CLSTN2: variants seen among roughly 807,000 people sequenced by gnomAD.
The protein encoded by CLSTN2 is calsyntenin 2.
CLSTN2 carries 48 observed loss-of-function variants against 101.2 expected under a neutral mutation model. The observed-to-expected ratio is 0.47, with a 90% CI of 0.38 to 0.60. The LOEUF is 0.60. Among genes scored for constraint, CLSTN2 ranks in the 20% least tolerant of loss-of-function variants. The pLI is 0.00. For synonymous variants in CLSTN2, 481 were observed against 463.6 expected (o/e 1.04, Z -0.48); for missense variants, 1,160 against 1,238.2 (o/e 0.94, Z 0.95).
intron 2 of CLSTN2, among the ~76,000 whole-genome samples, chr3:140,391,083 A>G (rs1315448150): frequency 2.6e-5 from 4 of 152,110 alleles, no homozygotes; most frequent in Non-Finnish European, 5.9e-5. Flanking sequence ...GCAGCCAGAG[A>G]CTTGGAAACG....
At chr3:140,319,404 G>A (rs980091681) in intron 2 of CLSTN2, among the ~76,000 whole-genome samples, 2 of 152,192 alleles carry the variant, frequency 1.3e-5, no homozygotes, top group Non-Finnish European at 2.9e-5. Context: ...TGCCCAGCAT[G>A]ATAGAACAGG....
intron 1 of CLSTN2, among the ~76,000 whole-genome samples, chr3:140,042,776 T>C (rs560398863): frequency 3.9e-4 from 60 of 152,260 alleles, no homozygotes; most frequent in Middle Eastern, 3.4e-3. Context: ...ATGTGGTGTT[T>C]GGTTTTCTGT....
chr3:140,486,738 A>G (rs556024500), intron 8 of CLSTN2, among the ~76,000 whole-genome samples: 1 of 152,360 alleles, frequency 6.6e-6, no homozygotes, highest in South Asian at 2.1e-4. Flanking sequence ...AAATTGGACC[A>G]GGAATATCTA....
At position 140,569,322 on chromosome 3, in the gene CLSTN2, C is replaced by T. The variant is rs762850765; in HGVS notation, c.*3069C>T. The T allele has an allele frequency of 2.0e-5, 3 of 152,254 alleles. No homozygotes were observed. In the South Asian group the frequency reaches 6.2e-4, roughly 32 times the overall value. The allele number at this position is 152,254 out of a possible 1,614,324, so 9.4% of individuals were successfully genotyped here. On this transcript the variant is annotated 3_prime_UTR_variant, in exon 17 of 17. Coordinates refer to ENST00000458420, the MANE Select transcript of CLSTN2 (RefSeq NM_022131.3). ...GTTGGCAGCCAGGCAGATGCAGGCT[C>T]ATGTCCAGGAGGAACTGCTGACTGG...
intron 2 of CLSTN2, among the ~76,000 whole-genome samples, chr3:140,347,293 C>T (rs1361281094): frequency 6.6e-6 from 1 of 152,186 alleles, no homozygotes. Flanking sequence ...TTTCCAGTGA[C>T]ATGGAATCTA....
At chr3:140,305,065 CTCTCTCTG>C (rs2087099477) in intron 2 of CLSTN2, among the ~76,000 whole-genome samples, 1 of 151,584 alleles carries the variant, frequency 6.6e-6, no homozygotes, top group Non-Finnish European at 1.5e-5. Flanking sequence ...CTCTCTCTCT[CTCTCTCTG>C]TCTCTCTTTC....
intron 10 of CLSTN2, among the ~76,000 whole-genome samples, chr3:140,549,457 G>A (rs1389959212): frequency 6.6e-6 from 1 of 151,156 alleles, no homozygotes; most frequent in East Asian, 2.0e-4. Flanking sequence ...TCCATTCCTA[G>A]GGCATGGCTG....
intron 2 of CLSTN2, among the ~76,000 whole-genome samples, chr3:140,308,036 A>G (rs987221007): frequency 6.6e-6 from 1 of 152,202 alleles, no homozygotes; most frequent in Non-Finnish European, 1.5e-5. Flanking sequence ...AGGATGAACC[A>G]CAGCACCTCC....
chr3:139,948,330 T>G (rs1006239752), intron 1 of CLSTN2, among the ~76,000 whole-genome samples: 1 of 152,052 alleles, frequency 6.6e-6, no homozygotes, highest in African/African-American at 2.4e-5. Flanking sequence ...TTGGGCATGG[T>G]GGTGGGTGCC....
chr3:140,180,396 A>C (rs922382669), intron 2 of CLSTN2, among the ~76,000 whole-genome samples: 16 of 152,228 alleles, frequency 1.1e-4, no homozygotes, highest in Admixed American at 3.3e-4. Flanking sequence ...CTCAGACTTC[A>C]GTCAAGTCCA....
chr3:140,346,830 T>C (rs1048179246), intron 2 of CLSTN2, among the ~76,000 whole-genome samples: 4 of 152,170 alleles, frequency 2.6e-5, no homozygotes, highest in African/African-American at 4.8e-5. Flanking sequence ...TATGTGGTTC[T>C]TGGTAGATGC....
chr3:140,089,207 T>C (rs182061754), intron 1 of CLSTN2, among the ~76,000 whole-genome samples: 1 of 152,184 alleles, frequency 6.6e-6, no homozygotes, highest in African/African-American at 2.4e-5. Context: ...TGTTCATATC[T>C]CTTGGGATTC....
intron 4 of CLSTN2, 151 bp from the exon 5 acceptor site, chr3:140,420,974 C>T (rs1339578504): frequency 2.4e-6 from 2 of 821,724 alleles, no homozygotes; most frequent in Non-Finnish European, 3.8e-6. Context: ...ACAAGTGGAG[C>T]CATGCTCCTG....
chr3:140,310,079 A>G (rs1264609053), intron 2 of CLSTN2, among the ~76,000 whole-genome samples: 1 of 151,344 alleles, frequency 6.6e-6, no homozygotes, highest in Non-Finnish European at 1.5e-5. Flanking sequence ...TTCCTCCTCC[A>G]TCTCCTCCTT....
chr3:140,539,119 G>T (rs1935418096), intron 9 of CLSTN2, among the ~76,000 whole-genome samples: 1 of 150,516 alleles, frequency 6.6e-6, no homozygotes, highest in Non-Finnish European at 1.5e-5. Context: ...TTGACTTCAG[G>T]ATCTATAGAA....
intron 2 of CLSTN2, among the ~76,000 whole-genome samples, chr3:140,357,585 G>C (rs1375651672): frequency 6.6e-6 from 1 of 152,166 alleles, no homozygotes. Flanking sequence ...GTTGACCCAA[G>C]ATGGTCCCTT....
intron 2 of CLSTN2, among the ~76,000 whole-genome samples, chr3:140,352,221 C>T (rs1351905231): frequency 2.0e-5 from 3 of 152,180 alleles, no homozygotes; most frequent in South Asian, 4.1e-4. Flanking sequence ...GTTATCATTA[C>T]TATTCTTTAT....
intron 4 of CLSTN2, among the ~76,000 whole-genome samples, chr3:140,408,034 G>A (rs1018737875): frequency 2.0e-5 from 3 of 152,180 alleles, no homozygotes; most frequent in Admixed American, 2.0e-4. Flanking sequence ...AGCTATCTAT[G>A]AAAGAAAATA....
At chr3:140,219,166 T>G (rs1186867421) in intron 2 of CLSTN2, among the ~76,000 whole-genome samples, 2 of 151,932 alleles carry the variant, frequency 1.3e-5, no homozygotes, top group Non-Finnish European at 2.9e-5. Flanking sequence ...TGCAGGAATG[T>G]TGGAGACATG....
Sources: gnomAD v4.1 joint callset for allele counts (sites outside exome capture counted in the v4.1 genomes callset) on GRCh38, gnomAD v4.1.1 for gene constraint, MANE v1.5 for transcripts, NCBI Gene and HGNC (gene_info 2026-07-23, HGNC 2026-07-21) for gene names.